WDR89: variants seen among roughly 807,000 people sequenced by gnomAD.
WDR89 encodes the protein WD repeat-containing protein 89.
A neutral mutation model predicts 29.1 loss-of-function variants in WDR89; 17 were observed. That is an observed-to-expected ratio of 0.58 (90% CI 0.40 to 0.88). The LOEUF (loss-of-function observed/expected upper bound fraction) is 0.88. WDR89 is among the 40% of genes least tolerant of loss of function. The pLI, the probability that WDR89 is intolerant of heterozygous loss-of-function variation, is 0.00. For synonymous variants in WDR89, 138 were observed against 157.8 expected, an observed-to-expected ratio of 0.87 and a Z score of 0.94; for missense variants, 396 against 456.3, an observed-to-expected ratio of 0.87 and a Z score of 1.20.
At position 63,611,344 on chromosome 14, in the gene WDR89, A is replaced by G. The variant is rs1170231437; in HGVS notation, c.-31-11371T>C. 2.7e-3 allele frequency among the ~76,000 whole-genome samples: 409 copies of G among 150,858 alleles called. 2 individuals carry two copies. Among genetic ancestry groups the G allele is most frequent in the Non-Finnish European group, 5.2e-3 (351 of 67,736 alleles). On this transcript the variant is annotated intron_variant, in intron 2 of 2. Transcript: ENST00000620954. ...GAGCCAGGCCCTGTCGCAAAAAAAA[A>G]AAAAAAAAAAAAAAAGCTTTAAGAT...
intron 1 of WDR89, among the ~76,000 whole-genome samples, chr14:63,639,042 G>A (rs1182093573): frequency 6.6e-6 from 1 of 152,194 alleles, no homozygotes; most frequent in Non-Finnish European, 1.5e-5. Flanking sequence ...AAAGTGGTAT[G>A]ATGATAGCAT....
chr14:63,624,539 CAGACTGGGAGACCAT>C, intron 2 of WDR89, among the ~76,000 whole-genome samples: 1 of 147,144 alleles, frequency 6.8e-6, no homozygotes, highest in East Asian at 2.0e-4. Context: ...ATGCCAACTA[CAGACTGGGAGACCAT>C]ATTTGCAAAT....
intron 2 of WDR89, among the ~76,000 whole-genome samples, chr14:63,613,569 T>A (rs138980620): frequency 0.011 from 1,671 of 151,370 alleles, 30 homozygotes; most frequent in African/African-American, 0.039. Context: ...AGTGGCGTGA[T>A]CTCGGCTCAC....
intron 2 of WDR89, among the ~76,000 whole-genome samples, chr14:63,609,065 T>C (rs772171363): frequency 2.6e-5 from 4 of 151,350 alleles, no homozygotes; most frequent in Non-Finnish European, 5.9e-5. Context: ...TGAGCCGAGA[T>C]GGCGCCACTG....
At chr14:63,628,306 A>C (rs968843606) in intron 1 of WDR89, among the ~76,000 whole-genome samples, 4 of 152,232 alleles carry the variant, frequency 2.6e-5, no homozygotes, top group Admixed American at 2.6e-4. Flanking sequence ...CTCATAAAAT[A>C]TCTGATGAGA....
rs557091606 is a variant in WDR89 at position 63,627,786 on chromosome 14, G to A, written c.-137-2753C>T. On this transcript the variant is annotated intron_variant, in intron 1 of 2. Coordinates refer to ENST00000620954, the MANE Select transcript of WDR89 (RefSeq NM_080666.4). Reference sequence around the variant, plus strand: ...GAGTATCACTGAATTAAATTTCACTGTATGAAAAAAAAAAAATTCAGCTGG... The same window carrying A: ...GAGTATCACTGAATTAAATTTCACTATATGAAAAAAAAAAAATTCAGCTGG... 3.3e-5 allele frequency among the ~76,000 whole-genome samples: 5 copies of A among 151,538 alleles called. No individual in the cohort carries two copies. The South Asian group carries it at 1.0e-3, about 32-fold the overall frequency.
At chr14:63,600,325 C>T (rs917888428) in intron 2 of WDR89, among the ~76,000 whole-genome samples, 15 of 151,650 alleles carry the variant, frequency 9.9e-5, no homozygotes, top group African/African-American at 2.7e-4. Context: ...GAGACCCCCC[C>T]GCCGTCTCTT....
chr14:63,621,789 A>T (rs1469289963), intron 2 of WDR89: 1 of 152,184 alleles, frequency 6.6e-6, no homozygotes, highest in Admixed American at 6.6e-5. Context: ...AGTTATCCCA[A>T]CTGATTGCTC....
intron 1 of WDR89, among the ~76,000 whole-genome samples, chr14:63,625,624 T>A (rs1595033644): frequency 6.6e-6 from 1 of 152,192 alleles, no homozygotes; most frequent in African/African-American, 2.4e-5. Flanking sequence ...GGAAGGGGCA[T>A]CCAAGAGGTT....
intron 2 of WDR89, among the ~76,000 whole-genome samples, chr14:63,618,924 A>G (rs1882493369): frequency 6.6e-6 from 1 of 152,228 alleles, no homozygotes; most frequent in African/African-American, 2.4e-5. Context: ...TTCTGAGTCA[A>G]AATTATCCCT....
intron 2 of WDR89, 134 bp from the exon 3 acceptor site, chr14:63,600,107 A>G (rs957554582): frequency 2.1e-6 from 1 of 467,004 alleles, no homozygotes; most frequent in Non-Finnish European, 3.6e-6. Context: ...GCATGAATCA[A>G]TCAATCAACA....
intron 2 of WDR89, among the ~76,000 whole-genome samples, chr14:63,600,717 C>CAAAAAAAA (rs56059698): frequency 2.8e-4 from 10 of 36,208 alleles, no homozygotes; most frequent in South Asian, 1.9e-3. Context: ...GATATGTAGG[C>CAAAAAAAA]AAAAAAAAAA....
chr14:63,622,455 C>A (rs756035323), intron 2 of WDR89, among the ~76,000 whole-genome samples: 1 of 152,202 alleles, frequency 6.6e-6, no homozygotes, highest in Non-Finnish European at 1.5e-5. Context: ...GTGGCACATG[C>A]CTATAATCCC....
chr14:63,641,627 G>C (rs937543170), intron 1 of WDR89, among the ~76,000 whole-genome samples, 177 bp downstream of exon 1: 6 of 152,254 alleles, frequency 3.9e-5, no homozygotes, highest in African/African-American at 1.4e-4. Context: ...TGGTGGCTCC[G>C]ACGGCGGAGC....
chr14:63,623,873 A>G (rs1882869576), intron 2 of WDR89, among the ~76,000 whole-genome samples: 1 of 152,018 alleles, frequency 6.6e-6, no homozygotes, highest in South Asian at 2.1e-4. Context: ...TTTAAACATA[A>G]AGCCATAGAT....
At position 63,607,264 on chromosome 14, in the gene WDR89, G is replaced by A. The variant is rs572611801; in HGVS notation, c.-31-7291C>T. 2.6e-5 allele frequency among the ~76,000 whole-genome samples: 4 copies of A among 152,162 alleles called. No homozygotes were observed. In the South Asian group the frequency reaches 8.3e-4, roughly 32 times the overall value. ...TGCAAGCTCTGCCTCCCGGGTTCAC[G>A]CCATTCTCCTGCCTCAGCCTCCCAA... On this transcript the variant is annotated intron_variant, in intron 2 of 2. Transcript: ENST00000620954.
intron 2 of WDR89, among the ~76,000 whole-genome samples, chr14:63,606,078 C>T (rs1358878082): frequency 6.6e-6 from 1 of 151,966 alleles, no homozygotes; most frequent in Non-Finnish European, 1.5e-5. Flanking sequence ...TCACTGCAGC[C>T]TCAACCTCCC....
At chr14:63,614,619 G>C (rs1402997712) in intron 2 of WDR89, among the ~76,000 whole-genome samples, 1 of 152,132 alleles carries the variant, frequency 6.6e-6, no homozygotes, top group Non-Finnish European at 1.5e-5. Flanking sequence ...TGTCCTAGAG[G>C]AAACAATACC....
intron 2 of WDR89, among the ~76,000 whole-genome samples, chr14:63,611,951 C>T (rs1006864742): frequency 1.3e-5 from 2 of 152,084 alleles, no homozygotes; most frequent in Admixed American, 6.6e-5. Flanking sequence ...TGGTCTCGAA[C>T]TCTTGAGCTC....
Sources: allele counts gnomAD v4.1 joint callset (sites outside exome capture counted in the v4.1 genomes callset), GRCh38; gene constraint gnomAD v4.1.1; transcripts MANE v1.5; gene names NCBI Gene and HGNC (gene_info 2026-07-23, HGNC 2026-07-21).